The following CDH22 variants were observed in gnomAD, a reference collection of about 807,000 sequenced individuals.
The protein encoded by CDH22 is cadherin-22.
In CDH22, 30 loss-of-function variants were observed where a neutral mutation model predicts 58.4. The observed-to-expected ratio is 0.51, with a 90% CI of 0.38 to 0.70. The LOEUF is 0.70. Among genes scored for constraint, CDH22 ranks in the 30% least tolerant of loss-of-function variants. The probability of loss-of-function intolerance (pLI) is 0.00; values close to 1 mark genes in which losing one functional copy is unlikely to be tolerated. For missense variants in CDH22, 1,014 were observed against 1,233.9 expected, an observed-to-expected ratio of 0.82 and a Z score of 2.67; for synonymous variants, 513 against 558.2, an observed-to-expected ratio of 0.92 and a Z score of 1.14.
chr20:46,307,705 C>T (rs2059030188), intron 1 of CDH22, among the ~76,000 whole-genome samples: 1 of 151,954 alleles, frequency 6.6e-6, no homozygotes, highest in African/African-American at 2.4e-5. Flanking sequence ...CGGGTGTCCC[C>T]GGACGCGGCA....
At chr20:46,230,885 GGAGA>G (rs1180750781) in intron 3 of CDH22, among the ~76,000 whole-genome samples, 1 of 152,218 alleles carries the variant, frequency 6.6e-6, no homozygotes, top group East Asian at 1.9e-4. Flanking sequence ...ACCTGGTGCA[GGAGA>G]GAGGCAGGTT....
intron 10 of CDH22, among the ~76,000 whole-genome samples, chr20:46,184,281 TAG>T (rs1406054388): frequency 3.3e-5 from 5 of 152,176 alleles, no homozygotes; most frequent in African/African-American, 7.2e-5. Context: ...GTATTTTTAG[TAG>T]AGACTGAGTT....
intron 3 of CDH22, among the ~76,000 whole-genome samples, chr20:46,234,913 A>G (rs1271184509): frequency 1.3e-5 from 2 of 152,206 alleles, no homozygotes; most frequent in Non-Finnish European, 2.9e-5. Flanking sequence ...TAGTAGGCCT[A>G]ATATGTGTTT....
At chr20:46,292,733 C>G (rs73301976) in intron 1 of CDH22, among the ~76,000 whole-genome samples, 3,044 of 152,254 alleles carry the variant, frequency 0.02, 109 homozygotes, top group African/African-American at 0.069. Context: ...TTCTTCCCTG[C>G]GTTGGTTCAT....
intron 11 of CDH22, among the ~76,000 whole-genome samples, chr20:46,175,989 G>C (rs2085735672): frequency 6.6e-6 from 1 of 152,236 alleles, no homozygotes; most frequent in African/African-American, 2.4e-5. Flanking sequence ...ACTAAAGGAA[G>C]AGTTGGATGG....
intron 8 of CDH22, among the ~76,000 whole-genome samples, chr20:46,193,594 C>T (rs981220191): frequency 2.0e-4 from 30 of 152,154 alleles, no homozygotes; most frequent in African/African-American, 6.5e-4. Context: ...TGTCTGGTTC[C>T]TCATGGGACA....
chr20:46,226,179 A>C (rs2086169688), intron 4 of CDH22, among the ~76,000 whole-genome samples: 1 of 151,962 alleles, frequency 6.6e-6, no homozygotes, highest in Admixed American at 6.5e-5. Flanking sequence ...CTTTTGCCTG[A>C]GCCATACCCT....
chr20:46,297,941 G>T (rs2086635953), intron 1 of CDH22, among the ~76,000 whole-genome samples: 1 of 151,900 alleles, frequency 6.6e-6, no homozygotes. Context: ...TTCGTCCTCT[G>T]CTCCACCACT....
intron 1 of CDH22, among the ~76,000 whole-genome samples, chr20:46,298,892 ATTTCCTTGGGGCC>A (rs2086639665): frequency 6.6e-6 from 1 of 151,596 alleles, no homozygotes; most frequent in Non-Finnish European, 1.5e-5. Context: ...TGTTGATCCT[ATTTCCTTGGGGCC>A]TTTCTCCCTG....
intron 1 of CDH22, among the ~76,000 whole-genome samples, chr20:46,265,979 C>T (rs1391031362): frequency 6.6e-6 from 1 of 151,702 alleles, no homozygotes. Flanking sequence ...CACATTGATC[C>T]CAGCTCCTCC....
At position 46,241,671 on chromosome 20, in the gene CDH22, G is replaced by C. The variant is rs2086291011; in HGVS notation, c.256-414C>G. Among the ~76,000 whole-genome samples, 1 of 152,104 alleles carries C rather than the reference G, an allele frequency of 6.6e-6. No homozygotes were observed. The highest frequency in any genetic ancestry group is 1.5e-5 in the Non-Finnish European group (1 of 68,016). On this transcript the variant is annotated intron_variant, in intron 2 of 11. Transcript: ENST00000537909. The surrounding 1 kb of genome is among the most constrained non-coding windows in gnomAD (Gnocchi z 5.2). Reference sequence around the variant, plus strand: ...GTCCTTGTTTCTCTGCCCATGGAAAGTCTCTCATCCTGCAAAGTGCAACAA... The same window carrying C: ...GTCCTTGTTTCTCTGCCCATGGAAACTCTCTCATCCTGCAAAGTGCAACAA...
At chr20:46,268,373 C>G (rs1181538122) in intron 1 of CDH22, among the ~76,000 whole-genome samples, 1 of 152,268 alleles carries the variant, frequency 6.6e-6, no homozygotes, top group Non-Finnish European at 1.5e-5. Context: ...CGCAGCTCAT[C>G]TCCCGCAGCT....
At chr20:46,185,515 G>A (rs1470215668) in intron 10 of CDH22, among the ~76,000 whole-genome samples, 1 of 152,090 alleles carries the variant, frequency 6.6e-6, no homozygotes, top group Non-Finnish European at 1.5e-5. Context: ...TTCATCACCT[G>A]TAAAATGGGG....
intron 3 of CDH22, among the ~76,000 whole-genome samples, chr20:46,232,343 T>A (rs1056163289): frequency 6.6e-6 from 1 of 152,142 alleles, no homozygotes; most frequent in Non-Finnish European, 1.5e-5. Flanking sequence ...TGGCTTTGTG[T>A]GGCTGTGGAA....
At chr20:46,191,419 G>GTGGGGA (rs1312060707) in intron 8 of CDH22, among the ~76,000 whole-genome samples, 1 of 152,176 alleles carries the variant, frequency 6.6e-6, no homozygotes, top group Non-Finnish European at 1.5e-5. Flanking sequence ...CTGAGTGGGC[G>GTGGGGA]TGGGGATGGG....
At chr20:46,304,831 C>G (rs2145788931) in intron 1 of CDH22, among the ~76,000 whole-genome samples, 1 of 152,330 alleles carries the variant, frequency 6.6e-6, no homozygotes, top group Admixed American at 6.5e-5. Flanking sequence ...GAAAGGGATC[C>G]TTTTCTGGGG....
chr20:46,191,038 C>T (rs1408723969), intron 8 of CDH22, among the ~76,000 whole-genome samples: 1 of 152,112 alleles, frequency 6.6e-6, no homozygotes, highest in East Asian at 1.9e-4. Context: ...TCCTTTGTAC[C>T]AAGGACTCAG....
intron 8 of CDH22, among the ~76,000 whole-genome samples, chr20:46,188,271 A>C (rs2085840493): frequency 6.6e-6 from 1 of 152,156 alleles, no homozygotes; most frequent in Non-Finnish European, 1.5e-5. Context: ...AACAGAGCAT[A>C]GTGATTATGA....
intron 4 of CDH22, 48 bp downstream of exon 4, chr20:46,227,460 C>T (rs1487498645): frequency 7.6e-7 from 1 of 1,318,780 alleles, no homozygotes; most frequent in Non-Finnish European, 1.1e-6. Flanking sequence ...CCGCCCCGCC[C>T]CTGGCCCCGC....
Sources: allele counts gnomAD v4.1 joint callset (sites outside exome capture counted in the v4.1 genomes callset), GRCh38; gene constraint gnomAD v4.1.1; non-coding constraint Gnocchi (gnomAD v3.1); transcripts MANE v1.5; gene names NCBI Gene and HGNC (gene_info 2026-07-23, HGNC 2026-07-21).